CELF2: variants seen among roughly 807,000 people sequenced by gnomAD.
CELF2 encodes the protein CUGBP Elav-like family member 2.
In CELF2, 8 loss-of-function variants were observed where a neutral mutation model predicts 62.6. The observed-to-expected ratio is 0.13, with a 90% CI of 0.07 to 0.23. The LOEUF is 0.23. Among genes scored for constraint, CELF2 ranks in the 10% least tolerant of loss-of-function variants. The pLI, the probability that CELF2 is intolerant of heterozygous loss-of-function variation, is 1.00. For missense variants in CELF2, 333 were observed against 671.0 expected (o/e 0.50, Z 5.56); for synonymous variants, 258 against 250.0 (o/e 1.03, Z -0.30).
rs547384358 is a variant in CELF2, at chr10:11,098,774, T to C, written c.75-66712T>C. Among the ~76,000 whole-genome samples the C allele has an allele frequency of 1.3e-5, 2 of 152,314 alleles. No individual in the cohort carries two copies. The highest frequency in any genetic ancestry group is 4.8e-5 in the African/African-American group (2 of 41,572). ...TTTGTCCTTTATCTGTGTGGTTAAT[T>C]TCTATGAACTGCTGGACAGCTGATT... On this transcript the variant is annotated intron_variant, in intron 1 of 12. Coordinates refer to ENST00000633077, the MANE Select transcript of CELF2 (RefSeq NM_001326342.2). The surrounding 1 kb of genome is among the most constrained non-coding windows in gnomAD (Gnocchi z 4.0).
rs1352204619 is a variant in CELF2 at position 11,328,590 on chromosome 10, G to T, written c.1439-336G>T. On this transcript the variant is annotated intron_variant, in intron 12 of 12. Coordinates refer to ENST00000633077, the MANE Select transcript of CELF2 (RefSeq NM_001326342.2). This position sits in a 1 kb window ranked among gnomAD's most constrained non-coding sequence, Gnocchi z 6.4. ...TATGGACCTGGGGTTCTTTTGGAGA[G>T]ATACTAAAGGACTTGAAACACAATG... 1.3e-5 allele frequency among the ~76,000 whole-genome samples: 2 copies of T among 152,230 alleles called. No homozygotes were observed. Among genetic ancestry groups the T allele is most frequent in the Non-Finnish European group, 2.9e-5 (2 of 68,044 alleles).
chr10:10,818,995 A>G (rs979254959), intron 1 of CELF2, among the ~76,000 whole-genome samples: 3 of 152,124 alleles, frequency 2.0e-5, no homozygotes, highest in South Asian at 2.1e-4. Context: ...TATCTCACCA[A>G]GTAGACTAAC....
chr10:10,540,577 T>A, the CELF2 span, among the ~76,000 whole-genome samples: 3 of 152,054 alleles, frequency 2.0e-5, no homozygotes, highest in East Asian at 5.8e-4. Flanking sequence ...TGCAGAAAAG[T>A]AAGGAGTGAA....
At chr10:10,868,730 A>G (rs570049738) in intron 1 of CELF2, among the ~76,000 whole-genome samples, 124 of 152,320 alleles carry the variant, frequency 8.1e-4, no homozygotes, top group African/African-American at 2.8e-3. Context: ...TCTTATCACT[A>G]TGTTGTTAAA....
In CELF2 at chr10:11,314,496, T is replaced by G. The variant is rs1049186677; in HGVS notation, c.1096+238T>G. 3 of 571,108 alleles carry G rather than the reference T, an allele frequency of 5.3e-6. No homozygotes were observed. Among genetic ancestry groups the G allele is most frequent in the East Asian group, 6.7e-5 (2 of 29,828 alleles). 35.4% of individuals were successfully genotyped at this position (571,108 alleles called of 1,614,324 possible). On this transcript the variant is annotated intron_variant, in intron 10 of 12. Transcript: ENST00000633077. The surrounding 1 kb of genome is among the most constrained non-coding windows in gnomAD (Gnocchi z 5.3). ...TCAGTGTGTAGCACAGCGCGTGTGC[T>G]CATCCATGGGGTTCTGTGGCTGGCA...
chr10:11,127,199 T>C (rs140236936), intron 1 of CELF2, among the ~76,000 whole-genome samples: 65 of 152,266 alleles, frequency 4.3e-4, no homozygotes, highest in African/African-American at 1.4e-3. Flanking sequence ...CCGACTGCAT[T>C]CATGTCCCTG....
At chr10:10,582,185 G>A in the CELF2 span, among the ~76,000 whole-genome samples, 3 of 152,254 alleles carry the variant, frequency 2.0e-5, no homozygotes, top group South Asian at 6.2e-4. Flanking sequence ...GAATTTTCCT[G>A]TATACTGGCC....
At chr10:10,833,976 G>A (rs553167134) in intron 1 of CELF2, among the ~76,000 whole-genome samples, 82 of 152,256 alleles carry the variant, frequency 5.4e-4, no homozygotes, top group African/African-American at 1.9e-3. Context: ...ATACCCAAAA[G>A]AATATAAATC....
chr10:10,529,144 T>G, the CELF2 span, among the ~76,000 whole-genome samples: 6 of 152,344 alleles, frequency 3.9e-5, no homozygotes, highest in South Asian at 1.2e-3. Flanking sequence ...ATCACTCTCC[T>G]GGGCAGAGTC....
chr10:10,536,545 G>A, the CELF2 span, among the ~76,000 whole-genome samples: 3 of 152,170 alleles, frequency 2.0e-5, no homozygotes, highest in African/African-American at 7.2e-5. Context: ...TCCATTTTGT[G>A]GCTGGCAACT....
At chr10:10,954,545 C>T (rs2048698229) in intron 2 of CELF2, among the ~76,000 whole-genome samples, 1 of 152,180 alleles carries the variant, frequency 6.6e-6, no homozygotes, top group South Asian at 2.1e-4. Flanking sequence ...CGCACCTGGC[C>T]AATTTGGCAA....
chr10:10,563,170 C>G, the CELF2 span, among the ~76,000 whole-genome samples: 1 of 152,230 alleles, frequency 6.6e-6, no homozygotes, highest in African/African-American at 2.4e-5. Flanking sequence ...AAAGGCTTAC[C>G]TTCCCAAATT....
At chr10:10,916,250 G>A (rs2064308584) in intron 1 of CELF2, among the ~76,000 whole-genome samples, 1 of 152,202 alleles carries the variant, frequency 6.6e-6, no homozygotes, top group South Asian at 2.1e-4. Context: ...TCTCAAAAAT[G>A]GTGACTGGAT....
At chr10:11,071,609 A>G (rs2070043576) in intron 1 of CELF2, 1 of 152,238 alleles carries the variant, frequency 6.6e-6, no homozygotes, top group Non-Finnish European at 1.5e-5. Flanking sequence ...CTGTCAGTAC[A>G]CAGCCAATTC....
rs536951299 is a variant in CELF2 at position 11,121,630 on chromosome 10, A to G, written c.75-43856A>G. Among the ~76,000 whole-genome samples, 5 of 152,310 alleles carry G rather than the reference A, an allele frequency of 3.3e-5. No homozygotes were observed. The South Asian group carries it at 6.2e-4, about 19-fold the overall frequency. On this transcript the variant is annotated intron_variant, in intron 1 of 12. Transcript: ENST00000633077. ...ACGCAGACGTTAGTGAAACACAAAA[A>G]TAAATATAAGTTAATATTCTGGTTA... is the stretch of plus-strand genomic sequence containing the variant.
chr10:10,998,771 C>T (rs2054227477), intron 2 of CELF2, among the ~76,000 whole-genome samples: 1 of 152,152 alleles, frequency 6.6e-6, no homozygotes, highest in Non-Finnish European at 1.5e-5. Flanking sequence ...GCAAAAATTA[C>T]ACTGGCTTCT....
chr10:11,109,960 C>T lies in CELF2; in HGVS notation c.75-55526C>T, dbSNP rs549999027. The stretch of plus-strand genomic sequence containing the variant: ...TGATGTTTCGTATTTTAATCTGTGT[C>T]TCAAAAAATGAACCTGGGCTGGAAG... On this transcript the variant is annotated intron_variant, in intron 1 of 12. Coordinates refer to ENST00000633077, the MANE Select transcript of CELF2 (RefSeq NM_001326342.2). Among the ~76,000 whole-genome samples the T allele has an allele frequency of 1.9e-3, 294 of 152,226 alleles. 2 individuals are homozygous for T. Among genetic ancestry groups the T allele is most frequent in the African/African-American group, 6.4e-3 (266 of 41,530 alleles).
In CELF2 at chr10:11,046,907, A is replaced by G. The variant is rs1157160148; in HGVS notation, c.74+28744A>G. On this transcript the variant is annotated intron_variant, in intron 1 of 12. Coordinates refer to ENST00000633077, the MANE Select transcript of CELF2 (RefSeq NM_001326342.2). The surrounding 1 kb of genome is among the most constrained non-coding windows in gnomAD (Gnocchi z 4.6). ...GGAGAAGAAAATTTCCAGAGATGTG[A>G]TAGAAAACAAATTGGGCTTGTAGAG... 4.6e-5 allele frequency among the ~76,000 whole-genome samples: 7 copies of G among 152,174 alleles called. No homozygotes were observed.
the CELF2 span, among the ~76,000 whole-genome samples, chr10:10,760,516 C>G: frequency 6.6e-6 from 1 of 152,202 alleles, no homozygotes. Flanking sequence ...CACGTCGATA[C>G]AGTTTACCAT....
Sources: gnomAD v4.1 joint callset for allele counts (sites outside exome capture counted in the v4.1 genomes callset) on GRCh38, gnomAD v4.1.1 for gene constraint, Gnocchi (gnomAD v3.1) non-coding constraint, MANE v1.5 for transcripts, NCBI Gene and HGNC (gene_info 2026-07-23, HGNC 2026-07-21) for gene names.